MYO9A: variants seen among roughly 807,000 people sequenced by gnomAD.
MYO9A encodes the protein myosin IXA, also known as unconventional myosin-IXa.
MYO9A carries 103 observed loss-of-function variants against 293.3 expected under a neutral mutation model. The observed-to-expected ratio is 0.35, with a 90% CI of 0.30 to 0.41. MYO9A has a LOEUF of 0.41. Among genes scored for constraint, MYO9A ranks in the 10% least tolerant of loss-of-function variants. MYO9A has a pLI of 1.00. For missense variants in MYO9A, 2,685 were observed against 3,033.0 expected, an observed-to-expected ratio of 0.89 and a Z score of 2.69; for synonymous variants, 1,001 against 1,035.7, an observed-to-expected ratio of 0.97 and a Z score of 0.64.
intron 11 of MYO9A, among the ~76,000 whole-genome samples, chr15:71,983,310 CCTTAA>C (rs936456589): frequency 5.9e-5 from 9 of 151,354 alleles, no homozygotes; most frequent in South Asian, 4.2e-4. Flanking sequence ...AAACATGTAT[CCTTAA>C]CTTATCACTA....
At chr15:72,069,939 G>A (rs1182530104) in intron 1 of MYO9A, among the ~76,000 whole-genome samples, 1 of 150,550 alleles carries the variant, frequency 6.6e-6, no homozygotes, top group Non-Finnish European at 1.5e-5. Context: ...GCAACACGGT[G>A]AAACCCTGTC....
At chr15:71,933,492 T>G (rs1052201196) in intron 18 of MYO9A, among the ~76,000 whole-genome samples, 178 bp downstream of exon 18, 2 of 152,118 alleles carry the variant, frequency 1.3e-5, no homozygotes, top group African/African-American at 2.4e-5. Context: ...CCTGAACCAT[T>G]AGGCTCAGCC....
At chr15:72,070,207 C>G (rs935765068) in intron 1 of MYO9A, among the ~76,000 whole-genome samples, 1 of 151,184 alleles carries the variant, frequency 6.6e-6, no homozygotes, top group Non-Finnish European at 1.5e-5. Flanking sequence ...TTTGGGAGGC[C>G]GAGGCAGATG....
chr15:71,983,470 C>CTTTTTTTTTTTTTTTT (rs1170508506), intron 11 of MYO9A, among the ~76,000 whole-genome samples: 22 of 72,900 alleles, frequency 3.0e-4, no homozygotes, highest in Middle Eastern at 0.016. Flanking sequence ...TTTTTTATTT[C>CTTTTTTTTTTTTTTTT]TTTTTTTTTT....
At chr15:71,836,840 C>G (rs756973615) in intron 39 of MYO9A, among the ~76,000 whole-genome samples, 16 of 152,006 alleles carry the variant, frequency 1.1e-4, no homozygotes, top group Non-Finnish European at 4.4e-5. Flanking sequence ...CAGGTTACTG[C>G]TTACCTTTGG....
Position 71,893,257 on chromosome 15 carries a change from C to T in MYO9A, c.5142+422G>A, listed in dbSNP as rs568008271. 8.5e-6 allele frequency: 9 copies of T among 1,060,612 alleles called. No homozygotes were observed. The South Asian group carries it at 1.3e-4, about 15-fold the overall frequency. 65.7% of individuals were successfully genotyped at this position (1,060,612 alleles called of 1,614,324 possible). A position where few individuals can be genotyped will look rare whatever the true frequency, so the allele number is the denominator to read the frequency against. ...TTTTTGAGATGATGCCAATGAAAGACATCAGAGGGCTCATGAATTTCTTGA... is the reference window on the plus strand; with the variant it reads ...TTTTTGAGATGATGCCAATGAAAGATATCAGAGGGCTCATGAATTTCTTGA... On this transcript the variant is annotated intron_variant, in intron 26 of 41. Coordinates refer to ENST00000356056, the MANE Select transcript of MYO9A (RefSeq NM_006901.4).
intron 10 of MYO9A, among the ~76,000 whole-genome samples, chr15:71,993,311 C>T (rs1236783578): frequency 6.6e-6 from 1 of 151,908 alleles, no homozygotes; most frequent in African/African-American, 2.4e-5. Flanking sequence ...GATCATACCA[C>T]TGTACTCCAG....
chr15:72,032,632 A>T (rs2077908784), intron 2 of MYO9A, 44 bp from the exon 3 acceptor site: 2 of 1,484,832 alleles, frequency 1.3e-6, no homozygotes, highest in East Asian at 4.8e-5. Flanking sequence ...AAAAAAAAAA[A>T]ATTTTTTTTT....
intron 39 of MYO9A, among the ~76,000 whole-genome samples, chr15:71,845,365 AAT>A (rs934858666): frequency 6.6e-6 from 1 of 151,902 alleles, no homozygotes; most frequent in African/African-American, 2.4e-5. Flanking sequence ...ATTCTCATCA[AAT>A]ATTTCTGTGA....
chr15:72,105,309 G>A (rs1414693286), intron 1 of MYO9A, among the ~76,000 whole-genome samples: 1 of 151,748 alleles, frequency 6.6e-6, no homozygotes, highest in South Asian at 2.1e-4. Context: ...GTGTAACCTC[G>A]AACTCCTGGG....
At chr15:71,973,358 C>A (rs1037189946) in intron 12 of MYO9A, among the ~76,000 whole-genome samples, 1 of 152,130 alleles carries the variant, frequency 6.6e-6, no homozygotes, top group African/African-American at 2.4e-5. Context: ...AGATTGGTAT[C>A]ATTAGCTTCC....
intron 15 of MYO9A, among the ~76,000 whole-genome samples, chr15:71,945,378 A>T (rs540727402): frequency 1.2e-4 from 18 of 152,312 alleles, no homozygotes; most frequent in Non-Finnish European, 1.9e-4. Context: ...CCCCAGAAGG[A>T]AATTGCAGTC....
At chr15:71,984,234 T>C (rs900565427) in intron 11 of MYO9A, among the ~76,000 whole-genome samples, 2 of 152,242 alleles carry the variant, frequency 1.3e-5, no homozygotes, top group African/African-American at 4.8e-5. Flanking sequence ...GTCCTGCACA[T>C]TTAAGGTAGG....
intron 6 of MYO9A, 27 bp from the exon 7 acceptor site, chr15:72,010,474 A>G: frequency 6.4e-7 from 1 of 1,566,258 alleles, no homozygotes; most frequent in Non-Finnish European, 8.8e-7. Flanking sequence ...AAAGTTTAAA[A>G]ATCAAGATTA....
chr15:71,907,144 C>T (rs1051145991), intron 19 of MYO9A, among the ~76,000 whole-genome samples: 9 of 147,612 alleles, frequency 6.1e-5, no homozygotes, highest in South Asian at 2.2e-4. Context: ...ATTCCTGTGT[C>T]CATGTGATCT....
Position 71,899,836 on chromosome 15 carries a change from T to C in MYO9A, c.3321A>G (p.Lys1107=). The C allele has an allele frequency of 6.2e-7, 1 of 1,614,160 alleles. No individual in the cohort carries two copies. Among genetic ancestry groups the C allele is most frequent in the Non-Finnish European group, 8.5e-7 (1 of 1,180,034 alleles). ...LRAAAIVIQQ[K]WRDYYRRRHM... Reference sequence around the variant, plus strand: ...GCCTGCGCCTATAGTAATCTCTCCATTTCTGCTGGATAACGATGGCTGCAG... The same window carrying C: ...GCCTGCGCCTATAGTAATCTCTCCACTTCTGCTGGATAACGATGGCTGCAG... Residue 1107 remains lysine, a synonymous_variant, in exon 24 of 42, where the codon AAA becomes AAG. Coordinates refer to ENST00000356056, the MANE Select transcript of MYO9A (RefSeq NM_006901.4).
chr15:71,912,643 T>C (rs2057893842), intron 19 of MYO9A, among the ~76,000 whole-genome samples: 1 of 152,232 alleles, frequency 6.6e-6, no homozygotes. Flanking sequence ...TCCATGTGGT[T>C]TTCCCATCAT....
At chr15:71,882,157 T>A (rs1352151070) in intron 28 of MYO9A, among the ~76,000 whole-genome samples, 1 of 152,214 alleles carries the variant, frequency 6.6e-6, no homozygotes, top group Non-Finnish European at 1.5e-5. Flanking sequence ...GGTTTCTTAC[T>A]GTAACTGGGT....
chr15:72,098,219 T>C (rs1418638264), intron 1 of MYO9A, among the ~76,000 whole-genome samples: 1 of 151,574 alleles, frequency 6.6e-6, no homozygotes, highest in Non-Finnish European at 1.5e-5. Context: ...CAACATGGCT[T>C]CTATCTGGTA....
Sources: allele counts gnomAD v4.1 joint callset (sites outside exome capture counted in the v4.1 genomes callset), GRCh38; gene constraint gnomAD v4.1.1; transcripts MANE v1.5; gene names NCBI Gene and HGNC (gene_info 2026-07-23, HGNC 2026-07-21).